The following DMD variants were observed in gnomAD, a reference collection of about 807,000 sequenced individuals.
The protein encoded by DMD is mutant dystrophin.
Under a neutral mutation model 330.1 loss-of-function variants are expected in DMD, and 63 were observed. That is an observed-to-expected ratio of 0.19 (90% CI 0.16 to 0.24). The LOEUF (loss-of-function observed/expected upper bound fraction) is 0.24, where lower values mean the gene tolerates loss of function less well. Among genes scored for constraint, DMD ranks in the 10% least tolerant of loss-of-function variants. The pLI is 1.00. For missense variants in DMD, 3,344 were observed against 2,684.1 expected (o/e 1.25, Z -5.43); for synonymous variants, 1,223 against 959.8 (o/e 1.27, Z -5.07).
chrX:32,681,612 A>T (rs1157110081), intron 9 of DMD, among the ~76,000 whole-genome samples: 1 of 111,722 alleles, frequency 9.0e-6, no homozygotes, highest in Non-Finnish European at 1.9e-5. Flanking sequence ...ATTGCTGTTC[A>T]CTCAACTCTT....
At chrX:31,646,098 C>A (rs1038967556) in intron 54 of DMD, among the ~76,000 whole-genome samples, 1 of 111,865 alleles carries the variant, frequency 8.9e-6, no homozygotes, top group Admixed American at 9.5e-5. Flanking sequence ...TACAAGGCAG[C>A]CTGTTCCATC....
intron 60 of DMD, among the ~76,000 whole-genome samples, chrX:31,385,876 G>A (rs1445484818): frequency 8.9e-6 from 1 of 111,981 alleles, no homozygotes; most frequent in Non-Finnish European, 1.9e-5. Context: ...CCATTACTGG[G>A]TATATACCCA....
intron 55 of DMD, among the ~76,000 whole-genome samples, chrX:31,560,424 G>A (rs2075129150): frequency 8.9e-6 from 1 of 111,962 alleles, no homozygotes; most frequent in African/African-American, 3.2e-5. Flanking sequence ...AAGACATTAT[G>A]TCTGAGTTAT....
chrX:32,280,124 T>C (rs1365518173), intron 43 of DMD, among the ~76,000 whole-genome samples: 2 of 99,700 alleles, frequency 2.0e-5, no homozygotes, highest in East Asian at 6.5e-4. Context: ...TATATTTATA[T>C]ATGTGTGTTT....
chrX:32,752,197 C>A (rs993295197), intron 7 of DMD, among the ~76,000 whole-genome samples: 2 of 111,595 alleles, frequency 1.8e-5, no homozygotes, highest in African/African-American at 3.3e-5. Flanking sequence ...GCTTGCAACA[C>A]ACACCGAGGA....
chrX:32,431,203 T>C (rs757583937), intron 29 of DMD, among the ~76,000 whole-genome samples: 1 of 111,284 alleles, frequency 9.0e-6, no homozygotes, highest in Non-Finnish European at 1.9e-5. Flanking sequence ...AGGGGCCCTT[T>C]TCTCCACATT....
intron 2 of DMD, among the ~76,000 whole-genome samples, chrX:32,879,044 A>C (rs1037725766): frequency 2.7e-5 from 3 of 109,438 alleles, no homozygotes; most frequent in Non-Finnish European, 5.7e-5. Flanking sequence ...AACAAAAAAA[A>C]AACAACTAAT....
chrX:33,063,503 T>C (rs1262433252), intron 1 of DMD, among the ~76,000 whole-genome samples: 1 of 111,876 alleles, frequency 8.9e-6, no homozygotes, highest in East Asian at 2.8e-4. Flanking sequence ...AGGCTCGAGT[T>C]ATGAAAACAC....
intron 45 of DMD, 46 bp downstream of exon 45, chrX:31,968,293 A>G (rs2095368785): frequency 8.4e-7 from 1 of 1,185,889 alleles, no homozygotes; most frequent in Admixed American, 2.2e-5. Flanking sequence ...GAAAGCTTAA[A>G]AAGTCTGCTA....
At chrX:32,670,831 C>G (rs2061587993) in intron 9 of DMD, among the ~76,000 whole-genome samples, 1 of 111,231 alleles carries the variant, frequency 9.0e-6, no homozygotes, top group Non-Finnish European at 1.9e-5. Context: ...AGTTTTTTTC[C>G]TGCTATGGCA....
At chrX:32,820,435 C>CT (rs2078145390) in intron 5 of DMD, among the ~76,000 whole-genome samples, 1 of 110,826 alleles carries the variant, frequency 9.0e-6, no homozygotes, top group African/African-American at 3.3e-5. Context: ...GAGCGAGACT[C>CT]TGTCTCAAAA....
rs72466538 is a variant in DMD at position 31,147,452 on chromosome X, C to T, written c.10620G>A (p.Pro3540=). ...AGGTGGGCATCATTTCAGGAGGGGACGGCAGTGGGGACAGGCCTTTATGTT... is the reference window on the plus strand; with the variant it reads ...AGGTGGGCATCATTTCAGGAGGGGATGGCAGTGGGGACAGGCCTTTATGTT... ...QHEHKGLSPL[P]SPPEMMPTSP... The change falls in exon 75 of 79, where the codon CCG becomes CCA. Residue 3540 remains proline (P), a synonymous_variant. Transcript: ENST00000357033. The T allele has an allele frequency of 3.4e-5, 41 of 1,203,885 alleles. No homozygotes were observed. Among genetic ancestry groups the T allele is most frequent in the Non-Finnish European group, 4.2e-5 (37 of 890,609 alleles).
At chrX:31,754,135 A>T (rs1412702019) in intron 51 of DMD, among the ~76,000 whole-genome samples, 1 of 111,743 alleles carries the variant, frequency 8.9e-6, no homozygotes, top group African/African-American at 3.3e-5. Context: ...TTAAAATAAA[A>T]TTTTATACTG....
intron 2 of DMD, among the ~76,000 whole-genome samples, chrX:32,928,121 A>T (rs2089243746): frequency 9.0e-6 from 1 of 111,189 alleles, no homozygotes; most frequent in Non-Finnish European, 1.9e-5. Context: ...CATATAAAAC[A>T]TTAGAAATAT....
In DMD at chrX:32,456,186, T is replaced by C. The variant is rs113362102; in HGVS notation, c.3433-1354A>G. On this transcript the variant is annotated intron_variant, in intron 25 of 78. Transcript: ENST00000357033. ...AATATGTGTAGAATCACTATCGCAT[T>C]GATTTTCCTTATAATTTACAACCAT... 8.6e-3 allele frequency among the ~76,000 whole-genome samples: 950 copies of C among 110,651 alleles called. 10 individuals are homozygous for C. The highest frequency in any genetic ancestry group is 0.028 in the African/African-American group (868 of 30,557).
chrX:31,526,464 G>A, intron 55 of DMD, among the ~76,000 whole-genome samples: 1 of 111,837 alleles, frequency 8.9e-6, no homozygotes, highest in East Asian at 2.8e-4. Flanking sequence ...TCATATACAT[G>A]TCTCAGACCA....
chrX:33,099,834 T>C (rs2095219164), intron 1 of DMD, among the ~76,000 whole-genome samples: 1 of 111,824 alleles, frequency 8.9e-6, no homozygotes, highest in Admixed American at 9.6e-5. Context: ...CATTCTTTAC[T>C]GTTTTTTACA....
chrX:31,824,092 C>A (rs2092835143), intron 49 of DMD, among the ~76,000 whole-genome samples: 1 of 111,294 alleles, frequency 9.0e-6, no homozygotes, highest in South Asian at 3.8e-4. Context: ...AACAAAAAAC[C>A]CTGCTGATCA....
intron 1 of DMD, among the ~76,000 whole-genome samples, chrX:33,103,384 G>A (rs148525904): frequency 0.022 from 2,462 of 110,445 alleles, 78 homozygotes; most frequent in African/African-American, 0.077. Context: ...AAAATGGCCT[G>A]TTCCTGCCTT....
Sources: allele counts gnomAD v4.1 joint callset (sites outside exome capture counted in the v4.1 genomes callset), GRCh38; gene constraint gnomAD v4.1.1; transcripts MANE v1.5; gene names NCBI Gene and HGNC (gene_info 2026-07-23, HGNC 2026-07-21).